The following RASGEF1A variants were observed in gnomAD, a reference collection of about 807,000 sequenced individuals.
RASGEF1A encodes ras-GEF domain-containing family member 1A.
Under a neutral mutation model 56.4 loss-of-function variants are expected in RASGEF1A, and 18 were observed. The ratio of observed to expected loss-of-function variants is 0.32; its 90% CI spans 0.22 to 0.47. The LOEUF is 0.47. Among genes scored for constraint, RASGEF1A ranks in the 20% least tolerant of loss-of-function variants. The pLI is 1.00. For synonymous variants in RASGEF1A, 245 were observed against 242.6 expected (o/e 1.01, Z -0.09); for missense variants, 422 against 627.1 (o/e 0.67, Z 3.49).
At chr10:43,220,041 C>T (rs1301675139) in intron 1 of RASGEF1A, among the ~76,000 whole-genome samples, 2 of 152,164 alleles carry the variant, frequency 1.3e-5, no homozygotes, top group African/African-American at 2.4e-5. Flanking sequence ...CCCAGACACA[C>T]GTCCTGACTG....
chr10:43,199,016 C>G lies in RASGEF1A; in HGVS notation c.953-4G>C. 6.2e-7 allele frequency: 1 copy of G among 1,603,634 alleles called. No individual in the cohort carries two copies. The highest frequency in any genetic ancestry group is 8.5e-7 in the Non-Finnish European group (1 of 1,173,388). On this transcript the variant is annotated splice_region_variant and splice_polypyrimidine_tract_variant and intron_variant, in intron 8 of 12. Transcript: ENST00000395810. Reference sequence around the variant, plus strand: ...ACAGGACTGAGGTTCATGCCAGCTGCAGAGGACAGCAGGTAGGGTCAGGGC... The same window carrying G: ...ACAGGACTGAGGTTCATGCCAGCTGGAGAGGACAGCAGGTAGGGTCAGGGC...
chr10:43,208,925 C>G (rs1042811701), intron 1 of RASGEF1A: 2 of 985,466 alleles, frequency 2.0e-6, no homozygotes, highest in Non-Finnish European at 2.4e-6. Context: ...ATCTGGCCAG[C>G]CCTCCACCTT....
chr10:43,256,451 G>C (rs1028487653), intron 1 of RASGEF1A, among the ~76,000 whole-genome samples: 1 of 152,090 alleles, frequency 6.6e-6, no homozygotes, highest in Non-Finnish European at 1.5e-5. Flanking sequence ...AGAAAGGGCT[G>C]GTTGGGGGTG....
intron 3 of RASGEF1A, chr10:43,202,583 T>G: frequency 2.2e-6 from 1 of 461,170 alleles, no homozygotes. Context: ...AAGCCCCTCC[T>G]GCGCCAGCCA....
chr10:43,239,214 G>A (rs1482285568), intron 1 of RASGEF1A, among the ~76,000 whole-genome samples: 2 of 152,152 alleles, frequency 1.3e-5, no homozygotes, highest in Non-Finnish European at 2.9e-5. Context: ...CTTTGGCAAC[G>A]AAAAACACTC....
chr10:43,212,544 G>A (rs545543861), intron 1 of RASGEF1A, among the ~76,000 whole-genome samples: 2 of 152,330 alleles, frequency 1.3e-5, no homozygotes, highest in South Asian at 2.1e-4. Flanking sequence ...CTCTGTCTGT[G>A]TGAGCCTTAG....
intron 1 of RASGEF1A, among the ~76,000 whole-genome samples, chr10:43,239,850 C>G (rs1300680858): frequency 6.6e-6 from 1 of 152,222 alleles, no homozygotes; most frequent in East Asian, 1.9e-4. Flanking sequence ...AAAACAATTA[C>G]TGGTATTTAA....
intron 1 of RASGEF1A, chr10:43,209,053 AG>A: frequency 1.0e-6 from 1 of 985,486 alleles, no homozygotes; most frequent in African/African-American, 1.7e-5. Flanking sequence ...CCCCAACAGC[AG>A]GGGCAGGCAC....
chr10:43,249,867 G>A (rs1184331976), intron 1 of RASGEF1A, among the ~76,000 whole-genome samples: 1 of 152,254 alleles, frequency 6.6e-6, no homozygotes, highest in South Asian at 2.1e-4. Flanking sequence ...AGCCACCAGG[G>A]TCTGATGCTG....
intron 1 of RASGEF1A, among the ~76,000 whole-genome samples, chr10:43,247,530 G>A (rs1462751821): frequency 6.6e-6 from 1 of 152,208 alleles, no homozygotes; most frequent in Non-Finnish European, 1.5e-5. Context: ...ACTAATGAGT[G>A]TGGTTTATCC....
At chr10:43,233,461 CA>C (rs1266861803) in intron 1 of RASGEF1A, among the ~76,000 whole-genome samples, 1 of 152,082 alleles carries the variant, frequency 6.6e-6, no homozygotes, top group Non-Finnish European at 1.5e-5. Flanking sequence ...TACAAATGGG[CA>C]AAAGACTTGA....
chr10:43,228,652 A>G (rs1171860404), intron 1 of RASGEF1A, among the ~76,000 whole-genome samples: 2 of 152,026 alleles, frequency 1.3e-5, no homozygotes, highest in Non-Finnish European at 2.9e-5. Context: ...GACCTGAACT[A>G]CCCTCACCGA....
intron 1 of RASGEF1A, among the ~76,000 whole-genome samples, chr10:43,252,994 C>T (rs1313273926): frequency 1.3e-5 from 2 of 152,224 alleles, no homozygotes; most frequent in African/African-American, 2.4e-5. Context: ...GCCTTCAGGA[C>T]CAGCGAGTTC....
chr10:43,199,047 G>C, intron 8 of RASGEF1A, 35 bp from the exon 9 acceptor site: 2 of 1,601,894 alleles, frequency 1.2e-6, no homozygotes, highest in Non-Finnish European at 1.7e-6. Flanking sequence ...AGGGCCGGGG[G>C]GGTGGGCCAT....
Position 43,195,868 on chromosome 10 carries a change from C to T in RASGEF1A, c.*376G>A, listed in dbSNP as rs1466431488. 2 of 163,200 alleles carry T rather than the reference C, an allele frequency of 1.2e-5. No individual in the cohort carries two copies. The highest frequency in any genetic ancestry group is 6.2e-5 in the Admixed American group (1 of 16,092). The allele number at this position is 163,200 out of a possible 1,614,324, so 10.1% of individuals were successfully genotyped here. A position where few individuals can be genotyped will look rare whatever the true frequency, so the allele number is the denominator to read the frequency against. On this transcript the variant is annotated 3_prime_UTR_variant, in exon 13 of 13. Transcript: ENST00000395810. This position sits in a 1 kb window ranked among gnomAD's most constrained non-coding sequence, Gnocchi z 4.2. ...ACGTCAGAGACACTGGCTGGAAAGG[C>T]GTCCGAGCAGGCAGGGCTCACGTTG...
chr10:43,246,077 G>A (rs1201858589), intron 1 of RASGEF1A, among the ~76,000 whole-genome samples: 1 of 151,940 alleles, frequency 6.6e-6, no homozygotes, highest in Non-Finnish European at 1.5e-5. Context: ...AAGGCTATAG[G>A]ATACAAGATC....
intron 9 of RASGEF1A, 85 bp downstream of exon 9, chr10:43,198,848 C>G: frequency 7.8e-7 from 1 of 1,277,764 alleles, no homozygotes; most frequent in Non-Finnish European, 1.1e-6. Context: ...GGGCAGCCCC[C>G]CACCCCCACT....
intron 10 of RASGEF1A, among the ~76,000 whole-genome samples, chr10:43,197,307 G>A (rs1207240982): frequency 1.3e-5 from 2 of 152,204 alleles, no homozygotes; most frequent in African/African-American, 4.8e-5. Context: ...AGGCCACTCT[G>A]TCTGGCCCTC....
At chr10:43,242,976 C>A (rs1330546044) in intron 1 of RASGEF1A, among the ~76,000 whole-genome samples, 1 of 152,150 alleles carries the variant, frequency 6.6e-6, no homozygotes, top group East Asian at 1.9e-4. Flanking sequence ...TGAGCAGCGT[C>A]TCTGCCTGGC....
Sources: allele counts gnomAD v4.1 joint callset (sites outside exome capture counted in the v4.1 genomes callset), GRCh38; gene constraint gnomAD v4.1.1; non-coding constraint Gnocchi (gnomAD v3.1); transcripts MANE v1.5; gene names NCBI Gene and HGNC (gene_info 2026-07-23, HGNC 2026-07-21).